The following NEB variants were observed in gnomAD, a reference collection of about 807,000 sequenced individuals.
The protein encoded by NEB is nebulin, also known as nemaline myopathy type 2.
In NEB, 512 loss-of-function variants were observed where a neutral mutation model predicts 952.2. That is an observed-to-expected ratio of 0.54 (90% CI 0.50 to 0.58). The LOEUF (loss-of-function observed/expected upper bound fraction) is 0.58. Ranked by LOEUF, NEB falls within the 20% of genes least tolerant of loss-of-function variation. The pLI is 0.00. For missense variants in NEB, 8,428 were observed against 9,231.1 expected, an observed-to-expected ratio of 0.91 and a Z score of 3.56; for synonymous variants, 2,900 against 3,149.8, an observed-to-expected ratio of 0.92 and a Z score of 2.66.
intron 54 of NEB, among the ~76,000 whole-genome samples, chr2:151,648,301 A>G (rs1479250298): frequency 6.6e-6 from 1 of 152,080 alleles, no homozygotes; most frequent in Non-Finnish European, 1.5e-5. Flanking sequence ...TTTTTCCTGC[A>G]CATGTTTGTT....
At chr2:151,725,641 A>C in intron 5 of NEB, 81 bp from the exon 6 acceptor site, 3 of 1,156,324 alleles carry the variant, frequency 2.6e-6, no homozygotes, top group South Asian at 2.6e-5. Flanking sequence ...TGATAAAAAA[A>C]AATCCTTCAA....
chr2:151,495,479 C>G (rs186742391), intron 173 of NEB, among the ~76,000 whole-genome samples: 2 of 147,574 alleles, frequency 1.4e-5, no homozygotes, highest in African/African-American at 5.0e-5. Flanking sequence ...GCACTGTACT[C>G]AAGTACTGGA....
intron 119 of NEB, 40 bp downstream of exon 119, chr2:151,563,566 A>C (rs2096219348): frequency 2.0e-6 from 3 of 1,538,298 alleles, no homozygotes; most frequent in East Asian, 2.2e-5. Context: ...CAGCACACTT[A>C]TGGGGCACAA....
intron 10 of NEB, among the ~76,000 whole-genome samples, chr2:151,712,582 C>G (rs1480599193): frequency 2.0e-5 from 3 of 151,646 alleles, no homozygotes; most frequent in Non-Finnish European, 1.5e-5. Context: ...AATCCACTCC[C>G]GAGCACTGCC....
chr2:151,662,320 C>T lies in NEB; in HGVS notation c.5785G>A (p.Ala1929Thr), dbSNP rs757880854. 1 of 1,613,310 alleles carries T rather than the reference C, an allele frequency of 6.2e-7. No homozygotes were observed. Among genetic ancestry groups the T allele is most frequent in the Admixed American group, 1.7e-5 (1 of 59,974 alleles). ...CATCCAATGCCCTTCATGAAGTCAG[C>T]ATAGTCAGCCTTGTACTGATTCTGC... is the stretch of plus-strand genomic sequence containing the variant. ...QSDNQYKADYADFMKGIGWLP... is the reference protein window; with the variant it reads ...QSDNQYKADYTDFMKGIGWLP... Residue 1929 changes from alanine (A) to threonine (T), a missense_variant, in exon 46 of 182, where the codon GCT becomes ACT. By Grantham distance (58) the Ala-to-Thr change is moderately conservative. This residue lies in a region of NEB where 2,851 missense variants were observed against 2,791.5 expected (regional missense o/e 1.02). Transcript: ENST00000397345.
rs140894724 is a variant in NEB, at chr2:151,649,947, T to C, written c.7431+229A>G. On this transcript the variant is annotated intron_variant, in intron 54 of 181. Transcript: ENST00000397345. ...TGTTCGATCATTTTCCCATTATATT[T>C]TGGTTAAATAATAAATAAGCTTTGG... Among the ~76,000 whole-genome samples the C allele has an allele frequency of 4.8e-4, 73 of 152,302 alleles. 1 individual carries two copies. Among genetic ancestry groups the C allele is most frequent in the African/African-American group, 1.7e-3 (69 of 41,570 alleles).
In NEB at chr2:151,727,737, G is replaced by A; in HGVS notation, c.248C>T (p.Thr83Ile). The A allele has an allele frequency of 1.9e-6, 3 of 1,613,676 alleles. No individual in the cohort carries two copies. The highest frequency in any genetic ancestry group is 1.1e-5 in the South Asian group (1 of 91,086). The change falls in exon 5 of 182, where the codon ACC (threonine) becomes ATC (isoleucine). Residue 83 changes from threonine to isoleucine, a missense_variant. By Grantham distance (89) the Thr-to-Ile change is moderately conservative (BLOSUM62 -1). This residue lies in a region of NEB where 2,851 missense variants were observed against 2,791.5 expected (regional missense o/e 1.02). Coordinates refer to ENST00000397345, the MANE Select transcript of NEB (RefSeq NM_001164508.2). Reference sequence around the variant, plus strand: ...TTTCTGACTGTGTGCAATGTAGGGGGTCATGAACTTTGAAGGATCCACTTT... The same window carrying A: ...TTTCTGACTGTGTGCAATGTAGGGGATCATGAACTTTGAAGGATCCACTTT... ...RKKVDPSKFM[T>I]PYIAHSQKMQ... is the part of the protein sequence containing the mutation.
rs1163709490 is a variant in NEB at position 151,541,553 on chromosome 2, T to C, written c.20578-2A>G. ...CTTGCCTGCAGCTCTGTAGACCAGC[T>C]AGACATAAACCAAGTTATCACCATC... On this transcript the variant is annotated splice_acceptor_variant, in intron 135 of 181. Coordinates refer to ENST00000397345, the MANE Select transcript of NEB (RefSeq NM_001164508.2). LOFTEE classifies it high-confidence loss of function. 4 of 1,611,116 alleles carry C rather than the reference T, an allele frequency of 2.5e-6. No individual in the cohort carries two copies.
chr2:151,506,443 A>C (rs1484066635), intron 163 of NEB, 185 bp from the exon 164 acceptor site: 3 of 564,152 alleles, frequency 5.3e-6, no homozygotes, highest in Non-Finnish European at 9.4e-6. Context: ...GTTATACAAC[A>C]TGGATCTTTC....
At chr2:151,671,481 T>C (rs1249933486) in intron 37 of NEB, 1 of 436,946 alleles carries the variant, frequency 2.3e-6, no homozygotes, top group Non-Finnish European at 4.1e-6. Context: ...ATTTTGTCAC[T>C]TTTGACAATA....
At chr2:151,518,885 G>T in intron 155 of NEB, 80 bp downstream of exon 155, 1 of 872,972 alleles carries the variant, frequency 1.1e-6, no homozygotes, top group South Asian at 1.4e-5. Flanking sequence ...TAGCAGAGAA[G>T]AAGATGCATC....
rs1244900580 is a variant in NEB, at chr2:151,496,257, T to C, written c.24486+19A>G. On this transcript the variant is annotated intron_variant, in intron 173 of 181. Coordinates refer to ENST00000397345, the MANE Select transcript of NEB (RefSeq NM_001164508.2). ...TTTTTAAAATCAGTAAGTAGTTTTT[T>C]TCTTTTCTCGCCAAGTACCGAGCTA... The C allele has an allele frequency of 1.9e-6, 3 of 1,570,988 alleles. No homozygotes were observed. The highest frequency in any genetic ancestry group is 2.6e-6 in the Non-Finnish European group (3 of 1,148,356).
chr2:151,491,325 C>G (rs572100388), intron 179 of NEB: 19 of 192,304 alleles, frequency 9.9e-5, no homozygotes, highest in African/African-American at 4.0e-4. Flanking sequence ...TTCCTTGATG[C>G]AATAGAGCTC....
chr2:151,567,539 C>A, intron 113 of NEB, 60 bp from the exon 114 acceptor site: 2 of 1,473,762 alleles, frequency 1.4e-6, no homozygotes, highest in Non-Finnish European at 1.8e-6. Context: ...GCAGAGGGGG[C>A]TTGATCATCT....
At chr2:151,607,671 C>T in intron 82 of NEB, 63 bp from the exon 83 acceptor site, 1 of 342,830 alleles carries the variant, frequency 2.9e-6, no homozygotes, top group Non-Finnish European at 5.4e-6. Flanking sequence ...TAATGTTTGG[C>T]TAATAGTTAA....
At chr2:151,646,108 C>T in intron 55 of NEB, 22 bp downstream of exon 55, 1 of 1,509,850 alleles carries the variant, frequency 6.6e-7, no homozygotes, top group East Asian at 2.4e-5. Context: ...TCTGAAAACA[C>T]ATGCTGAATT....
At chr2:151,525,893 A>G in intron 150 of NEB, 65 bp downstream of exon 150, 1 of 1,264,982 alleles carries the variant, frequency 7.9e-7, no homozygotes, top group African/African-American at 1.5e-5. Flanking sequence ...AACTGACATT[A>G]TTTCACCAGA....
chr2:151,654,441 T>G (rs544280263), intron 51 of NEB, among the ~76,000 whole-genome samples: 2 of 152,332 alleles, frequency 1.3e-5, no homozygotes, highest in South Asian at 4.1e-4. Flanking sequence ...AAGATAGATA[T>G]TAAGATAATT....
intron 39 of NEB, among the ~76,000 whole-genome samples, chr2:151,668,340 A>C (rs544083672): frequency 6.6e-6 from 1 of 152,268 alleles, no homozygotes; most frequent in East Asian, 1.9e-4. Flanking sequence ...ATGTAGTACA[A>C]CTCAGCTTTA....
Sources: allele counts gnomAD v4.1 joint callset (sites outside exome capture counted in the v4.1 genomes callset), GRCh38; gene constraint gnomAD v4.1.1; regional missense constraint gnomAD v4.1.1; transcripts MANE v1.5; gene names NCBI Gene and HGNC (gene_info 2026-07-23, HGNC 2026-07-21).